The following ME1 variants were observed in gnomAD, a reference collection of about 807,000 sequenced individuals.
The protein encoded by ME1 is malic enzyme 1.
A neutral mutation model predicts 66.4 loss-of-function variants in ME1; 74 were observed. The observed-to-expected ratio is 1.11, with a 90% CI of 0.92 to 1.35. ME1 has a LOEUF of 1.35. Ranked by LOEUF, ME1 falls within the 40% of genes most tolerant of loss-of-function variation. The pLI, the probability that ME1 is intolerant of heterozygous loss-of-function variation, is 0.00. For missense variants in ME1, 750 were observed against 694.1 expected (o/e 1.08, Z -0.90); for synonymous variants, 251 against 235.6 (o/e 1.07, Z -0.60).
intron 1 of ME1, among the ~76,000 whole-genome samples, chr6:83,423,805 GAAAAATAAATAAAAT>G (rs1770317268): frequency 6.6e-6 from 1 of 150,796 alleles, no homozygotes; most frequent in Non-Finnish European, 1.5e-5. Context: ...AAAAAAAAAT[GAAAAATAAATAAAAT>G]AAAAATAAAT....
At chr6:83,397,483 C>T (rs1392674036) in intron 3 of ME1, among the ~76,000 whole-genome samples, 3 of 152,128 alleles carry the variant, frequency 2.0e-5, no homozygotes, top group Non-Finnish European at 4.4e-5. Flanking sequence ...TAAGTATTGG[C>T]GAGGAACCTG....
At chr6:83,383,485 C>A (rs13208458) in intron 3 of ME1, among the ~76,000 whole-genome samples, 38,620 of 151,688 alleles carry the variant, frequency 0.25, 5,667 homozygotes, top group Middle Eastern at 0.46. Context: ...TATAAATAGA[C>A]TGTTGTTCTG....
chr6:83,251,350 C>A (rs1266504274), intron 7 of ME1, among the ~76,000 whole-genome samples: 1 of 151,886 alleles, frequency 6.6e-6, no homozygotes, highest in Non-Finnish European at 1.5e-5. Context: ...CAAAAATTAG[C>A]CGGGCGCAGT....
intron 3 of ME1, among the ~76,000 whole-genome samples, chr6:83,364,642 G>A (rs1769065569): frequency 6.6e-6 from 1 of 152,020 alleles, no homozygotes; most frequent in South Asian, 2.1e-4. Flanking sequence ...CAACCCAATG[G>A]ACAGAGCTAG....
At chr6:83,402,214 T>C (rs1395581025) in intron 2 of ME1, among the ~76,000 whole-genome samples, 2 of 152,178 alleles carry the variant, frequency 1.3e-5, no homozygotes, top group African/African-American at 4.8e-5. Context: ...CTTGCAAAGC[T>C]GAGGCAAGGT....
intron 6 of ME1, among the ~76,000 whole-genome samples, chr6:83,308,670 T>C (rs1328946868): frequency 1.3e-5 from 2 of 150,646 alleles, no homozygotes; most frequent in African/African-American, 4.9e-5. Context: ...ATTTATTGAG[T>C]ACTTATCACA....
chr6:83,251,487 C>G (rs1331564986), intron 7 of ME1, among the ~76,000 whole-genome samples: 1 of 144,606 alleles, frequency 6.9e-6, no homozygotes, highest in Middle Eastern at 3.2e-3. Flanking sequence ...GAGCAAGACT[C>G]TGTCTCAAAA....
chr6:83,224,186 A>G (rs2128523456), intron 11 of ME1, among the ~76,000 whole-genome samples: 1 of 152,234 alleles, frequency 6.6e-6, no homozygotes, highest in Non-Finnish European at 1.5e-5. Flanking sequence ...ATGCCCTAAG[A>G]CCATCACTCT....
intron 1 of ME1, among the ~76,000 whole-genome samples, chr6:83,409,443 C>T (rs758054568): frequency 7.9e-5 from 12 of 152,154 alleles, no homozygotes; most frequent in Non-Finnish European, 1.6e-4. Context: ...AGAGACAATT[C>T]GGTTCATCCC....
intron 7 of ME1, among the ~76,000 whole-genome samples, chr6:83,242,902 C>A (rs2128526365): frequency 1.3e-5 from 2 of 152,056 alleles, no homozygotes; most frequent in Non-Finnish European, 2.9e-5. Flanking sequence ...GTATAGGAGG[C>A]ACCAAGTGCC....
chr6:83,385,834 C>T (rs1381404581), intron 3 of ME1, among the ~76,000 whole-genome samples: 2 of 151,740 alleles, frequency 1.3e-5, no homozygotes, highest in South Asian at 2.1e-4. Context: ...GTCATATATA[C>T]ATTTTCATAA....
intron 7 of ME1, among the ~76,000 whole-genome samples, chr6:83,249,977 T>C (rs1464257646): frequency 6.6e-6 from 1 of 152,148 alleles, no homozygotes; most frequent in Non-Finnish European, 1.5e-5. Flanking sequence ...ACAAATACAA[T>C]AAAATATCTA....
intron 8 of ME1, among the ~76,000 whole-genome samples, chr6:83,238,790 T>C: frequency 1.0e-5 from 1 of 97,316 alleles, no homozygotes; most frequent in East Asian, 2.2e-4. Flanking sequence ...AATTTAAAGT[T>C]TCTTGAAAAA....
intron 5 of ME1, among the ~76,000 whole-genome samples, chr6:83,318,559 T>C (rs1583377488): frequency 1.1e-4 from 10 of 88,032 alleles, no homozygotes; most frequent in African/African-American, 3.3e-4. Flanking sequence ...AAAATGCTCA[T>C]CATCACTGGC....
chr6:83,408,033 T>G, intron 1 of ME1, 132 bp from the exon 2 acceptor site: 1 of 975,334 alleles, frequency 1.0e-6, no homozygotes, highest in Non-Finnish European at 1.4e-6. Context: ...CATGGCCATG[T>G]GGCTGTGAGT....
chr6:83,240,076 G>A (rs1317538320), intron 7 of ME1, among the ~76,000 whole-genome samples: 1 of 151,972 alleles, frequency 6.6e-6, no homozygotes, highest in East Asian at 1.9e-4. Flanking sequence ...TACTCTTGGG[G>A]TTTTGAAATC....
intron 6 of ME1, among the ~76,000 whole-genome samples, chr6:83,275,092 G>A (rs371430349): frequency 3.9e-5 from 6 of 152,130 alleles, no homozygotes; most frequent in African/African-American, 1.4e-4. Flanking sequence ...CCAGCACTTT[G>A]GAAGGCCGAG....
At chr6:83,420,013 C>T (rs541218338) in intron 1 of ME1, among the ~76,000 whole-genome samples, 5 of 152,136 alleles carry the variant, frequency 3.3e-5, no homozygotes, top group Non-Finnish European at 7.4e-5. Context: ...GAAAAGCAGG[C>T]CTTCTTGTAA....
rs1766855239 is a variant in ME1 at position 83,259,999 on chromosome 6, C to T, written c.705-6261G>A. 2.6e-5 allele frequency among the ~76,000 whole-genome samples: 4 copies of T among 152,184 alleles called. 1 individual carries two copies. In the South Asian group the frequency reaches 8.3e-4, roughly 32 times the overall value. Reference sequence around the variant, plus strand: ...CTCTGCTGCTGATCTTTCAAAGAAACAACTCTGTTTCCAAAATGATACCAA... The same window carrying T: ...CTCTGCTGCTGATCTTTCAAAGAAATAACTCTGTTTCCAAAATGATACCAA... On this transcript the variant is annotated intron_variant, in intron 6 of 13. Transcript: ENST00000369705.
Sources: gnomAD v4.1 joint callset for allele counts (sites outside exome capture counted in the v4.1 genomes callset) on GRCh38, gnomAD v4.1.1 for gene constraint, MANE v1.5 for transcripts, NCBI Gene and HGNC (gene_info 2026-07-23, HGNC 2026-07-21) for gene names.